The following ADD2 variants were observed in gnomAD, a reference collection of about 807,000 sequenced individuals.
ADD2 encodes the protein beta-adducin.
In ADD2, 23 loss-of-function variants were observed where a neutral mutation model predicts 83.0. The observed-to-expected ratio is 0.28, with a 90% CI of 0.20 to 0.39. The LOEUF (loss-of-function observed/expected upper bound fraction) is 0.39. Ranked by LOEUF, ADD2 falls within the 10% of genes least tolerant of loss-of-function variation. The pLI, the probability that ADD2 is intolerant of heterozygous loss-of-function variation, is 1.00. For missense variants in ADD2, 758 were observed against 944.9 expected, an observed-to-expected ratio of 0.80 and a Z score of 2.59; for synonymous variants, 375 against 375.4, an observed-to-expected ratio of 1.00 and a Z score of 0.01.
intron 9 of ADD2, among the ~76,000 whole-genome samples, chr2:70,684,335 C>G (rs889446458): frequency 4.6e-5 from 7 of 152,300 alleles, no homozygotes; most frequent in Middle Eastern, 3.4e-3. Flanking sequence ...GCAGCCTTAA[C>G]CTCCCAGGCT....
intron 6 of ADD2, among the ~76,000 whole-genome samples, chr2:70,695,520 T>G (rs1574254453): frequency 6.6e-6 from 1 of 152,104 alleles, no homozygotes; most frequent in African/African-American, 2.4e-5. Context: ...CCACTGCACT[T>G]GCCACCTCCT....
chr2:70,704,263 T>TGCCCCCCCCCCCCCCCCCCCCC lies in ADD2; in HGVS notation c.322+57_322+58insGGGGGGGGGGGGGGGGGGGGGC. On this transcript the variant is annotated intron_variant, in intron 4 of 15. Coordinates refer to ENST00000264436, the MANE Select transcript of ADD2 (RefSeq NM_001617.4). Reference sequence around the variant, plus strand: ...TGCTTCTTGCTGCTCCTCCCTCTCTTCCCCACCCCACCCTCCCCTCCACCT... The same window carrying TGCCCCCCCCCCCCCCCCCCCCC: ...TGCTTCTTGCTGCTCCTCCCTCTCTTGCCCCCCCCCCCCCCCCCCCCCCCCCACCCCACCCTCCCCTCCACCT... 249 of 913,184 alleles carry TGCCCCCCCCCCCCCCCCCCCCC rather than the reference T, an allele frequency of 2.7e-4. 1 individual carries two copies. The highest frequency in any genetic ancestry group is 3.5e-4 in the Non-Finnish European group (207 of 592,348). The allele number at this position is 913,184 out of a possible 1,614,324, so 56.6% of individuals were successfully genotyped here. A position where few individuals can be genotyped will look rare whatever the true frequency, so the allele number is the denominator to read the frequency against.
intron 1 of ADD2, among the ~76,000 whole-genome samples, chr2:70,726,431 C>G (rs537294691): frequency 6.6e-6 from 1 of 152,248 alleles, no homozygotes; most frequent in African/African-American, 2.4e-5. Flanking sequence ...AGCAGCTCAC[C>G]CAGGCAGTGC....
rs371456025 is a variant in ADD2, at chr2:70,735,116, T to C, written c.-153-21932A>G. On this transcript the variant is annotated intron_variant, in intron 1 of 15. Transcript: ENST00000264436. ...CTTTTCCTAGTGCTTTTTCCAACTG[T>C]CACAGTTATTATAATTGCTTTATTA... 3.3e-5 allele frequency among the ~76,000 whole-genome samples: 5 copies of C among 152,192 alleles called. No individual in the cohort carries two copies. In the East Asian group the frequency reaches 9.6e-4, roughly 29 times the overall value.
chr2:70,685,681 C>G (rs1228013158), intron 9 of ADD2, among the ~76,000 whole-genome samples: 2 of 152,214 alleles, frequency 1.3e-5, no homozygotes, highest in African/African-American at 4.8e-5. Flanking sequence ...CTTAGTGTAT[C>G]ACCTGGTACA....
chr2:70,730,558 A>G (rs184857386), intron 1 of ADD2, among the ~76,000 whole-genome samples: 191 of 152,298 alleles, frequency 1.3e-3, no homozygotes, highest in African/African-American at 4.4e-3. Flanking sequence ...TCTGCCCCAA[A>G]TCTTACCAGG....
chr2:70,755,719 TAA>T (rs1292551005), intron 1 of ADD2, among the ~76,000 whole-genome samples: 1 of 152,172 alleles, frequency 6.6e-6, no homozygotes, highest in African/African-American at 2.4e-5. Flanking sequence ...CCTCTCCTCA[TAA>T]AAATGAACAG....
chr2:70,675,085 C>T, intron 13 of ADD2: 1 of 1,213,714 alleles, frequency 8.2e-7, no homozygotes. Context: ...AAAGGATGCT[C>T]CCGAGCAGAA....
intron 1 of ADD2, among the ~76,000 whole-genome samples, chr2:70,721,981 A>G (rs1245196818): frequency 6.6e-6 from 1 of 152,190 alleles, no homozygotes; most frequent in Non-Finnish European, 1.5e-5. Context: ...CCATAAAACT[A>G]TTAATAAGAT....
chr2:70,766,177 T>C (rs1343555446), intron 1 of ADD2, among the ~76,000 whole-genome samples: 1 of 152,310 alleles, frequency 6.6e-6, no homozygotes. Context: ...AGAAAGAACA[T>C]AGGGCTTACT....
At chr2:70,744,844 C>T (rs1674098769) in intron 1 of ADD2, among the ~76,000 whole-genome samples, 1 of 151,958 alleles carries the variant, frequency 6.6e-6, no homozygotes, top group South Asian at 2.1e-4. Context: ...GAATCAGGGC[C>T]TGGGGGAGCT....
At chr2:70,704,293 T>TC in intron 4 of ADD2, 28 bp downstream of exon 4, 1 of 692,194 alleles carries the variant, frequency 1.4e-6, no homozygotes, top group Non-Finnish European at 2.2e-6. Flanking sequence ...CCACCTCTGC[T>TC]CCTGGCAGCT....
At chr2:70,674,358 G>C (rs1401232403) in intron 14 of ADD2, among the ~76,000 whole-genome samples, 1 of 152,156 alleles carries the variant, frequency 6.6e-6, no homozygotes, top group Non-Finnish European at 1.5e-5. Flanking sequence ...AGACCTGGTG[G>C]GAAATAATAA....
rs1163251500 is a variant in ADD2, at chr2:70,683,744, C to T, written c.972G>A (p.Gly324=). 1.9e-6 allele frequency: 3 copies of T among 1,613,920 alleles called. No homozygotes were observed. The highest frequency in any genetic ancestry group is 2.5e-6 in the Non-Finnish European group (3 of 1,179,880). The change falls in exon 10 of 16, where the codon GGG becomes GGA. Residue 324 remains glycine (G), a synonymous_variant. Coordinates refer to ENST00000264436, the MANE Select transcript of ADD2 (RefSeq NM_001617.4). Reference sequence around the variant, plus strand: ...CCAGGAGGATGAGGTTCTCCACTCCCCCGGCACTGGACAGAGCCGACACCT... The same window carrying T: ...CCAGGAGGATGAGGTTCTCCACTCCTCCGGCACTGGACAGAGCCGACACCT... ...EIQVSALSSA[G]GVENLILLEQ...
intron 5 of ADD2, 128 bp from the exon 6 acceptor site, chr2:70,695,929 T>G: frequency 4.4e-5 from 34 of 770,918 alleles, no homozygotes; most frequent in Non-Finnish European, 6.6e-5. Flanking sequence ...CCCTTATCTC[T>G]CCCCCCCAGC....
chr2:70,736,430 G>A (rs1553380167), intron 1 of ADD2, among the ~76,000 whole-genome samples: 1 of 152,170 alleles, frequency 6.6e-6, no homozygotes, highest in Non-Finnish European at 1.5e-5. Context: ...TGTTCCTATT[G>A]AGTAGACAGA....
chr2:70,718,929 G>A (rs374638936), intron 1 of ADD2, among the ~76,000 whole-genome samples: 16 of 152,176 alleles, frequency 1.1e-4, no homozygotes, highest in African/African-American at 3.4e-4. Flanking sequence ...CTATATTCCT[G>A]GCAGAAGCCT....
At chr2:70,667,576 T>C (rs1229818553) in intron 15 of ADD2, among the ~76,000 whole-genome samples, 4 of 152,186 alleles carry the variant, frequency 2.6e-5, no homozygotes, top group African/African-American at 4.8e-5. Flanking sequence ...AGATAGTTGA[T>C]AAAACAATAT....
intron 15 of ADD2, among the ~76,000 whole-genome samples, chr2:70,665,081 C>G (rs1675724275): frequency 6.6e-6 from 1 of 152,064 alleles, no homozygotes; most frequent in South Asian, 2.1e-4. Context: ...ACCCGGCATG[C>G]TGAGGTGTAT....
Sources: allele counts gnomAD v4.1 joint callset (sites outside exome capture counted in the v4.1 genomes callset), GRCh38; gene constraint gnomAD v4.1.1; transcripts MANE v1.5; gene names NCBI Gene and HGNC (gene_info 2026-07-23, HGNC 2026-07-21).